Variants in FAM110B observed in about 807,000 individuals in gnomAD.
FAM110B encodes protein FAM110B.
Under a neutral mutation model 20.4 loss-of-function variants are expected in FAM110B, and 6 were observed. The observed-to-expected ratio is 0.29, with a 90% confidence interval of 0.16 to 0.58. The LOEUF (loss-of-function observed/expected upper bound fraction) is 0.58. Ranked by LOEUF, FAM110B falls within the 20% of genes least tolerant of loss-of-function variation. FAM110B has a pLI of 0.90. For missense variants in FAM110B, 434 were observed against 498.2 expected, an observed-to-expected ratio of 0.87 and a Z score of 1.23; for synonymous variants, 226 against 214.1, an observed-to-expected ratio of 1.06 and a Z score of -0.49.
At chr8:58,081,513 T>A (rs1216417701) in intron 3 of FAM110B, among the ~76,000 whole-genome samples, 1 of 152,160 alleles carries the variant, frequency 6.6e-6, no homozygotes, top group African/African-American at 2.4e-5. Context: ...GGCCAGAAAA[T>A]TCTTTTACAG....
chr8:58,087,560 G>A (rs908635625), intron 3 of FAM110B, among the ~76,000 whole-genome samples: 10 of 152,156 alleles, frequency 6.6e-5, no homozygotes, highest in South Asian at 2.1e-4. Flanking sequence ...TGCCTCATTC[G>A]CCATCACAAC....
chr8:58,143,567 C>T (rs971115995), intron 3 of FAM110B, among the ~76,000 whole-genome samples: 1 of 152,150 alleles, frequency 6.6e-6, no homozygotes, highest in Admixed American at 6.5e-5. Flanking sequence ...CTGGAGGAGC[C>T]GTCTTGAGGG....
At chr8:58,093,796 T>A (rs1053655974) in intron 3 of FAM110B, among the ~76,000 whole-genome samples, 1 of 152,208 alleles carries the variant, frequency 6.6e-6, no homozygotes, top group African/African-American at 2.4e-5. Context: ...AAATCAATGG[T>A]AGCTTGATGG....
chr8:58,045,688 C>A (rs1805306171), intron 2 of FAM110B, among the ~76,000 whole-genome samples: 2 of 152,092 alleles, frequency 1.3e-5, no homozygotes, highest in African/African-American at 2.4e-5. Flanking sequence ...TCTGTGAAAA[C>A]CACTGCACTA....
At chr8:58,105,232 C>T (rs1166006786) in intron 3 of FAM110B, among the ~76,000 whole-genome samples, 1 of 152,164 alleles carries the variant, frequency 6.6e-6, no homozygotes, top group East Asian at 1.9e-4. Flanking sequence ...GGTTTCATCA[C>T]AGCTCTACCA....
At chr8:58,003,744 ATAC>A (rs1367574603) in intron 1 of FAM110B, among the ~76,000 whole-genome samples, 1 of 152,236 alleles carries the variant, frequency 6.6e-6, no homozygotes, top group Non-Finnish European at 1.5e-5. Flanking sequence ...TCAGTAGATC[ATAC>A]TGTAAACAGA....
At chr8:58,055,507 A>T (rs1805528435) in intron 2 of FAM110B, among the ~76,000 whole-genome samples, 2 of 152,112 alleles carry the variant, frequency 1.3e-5, no homozygotes, top group African/African-American at 4.8e-5. Flanking sequence ...GTGGAGACAA[A>T]TTGTTTTGTG....
chr8:57,996,430 CTG>C (rs1804186342), intron 1 of FAM110B, among the ~76,000 whole-genome samples: 2 of 152,018 alleles, frequency 1.3e-5, no homozygotes, highest in Admixed American at 1.3e-4. Flanking sequence ...TATTTTAAGT[CTG>C]TGGTTTTAAT....
At chr8:58,068,906 T>C (rs1805833036) in intron 2 of FAM110B, among the ~76,000 whole-genome samples, 1 of 152,180 alleles carries the variant, frequency 6.6e-6, no homozygotes. Flanking sequence ...ATTAAAACTT[T>C]TCCCAATTTA....
chr8:58,063,822 T>A (rs1163981609), intron 2 of FAM110B, among the ~76,000 whole-genome samples: 1 of 152,214 alleles, frequency 6.6e-6, no homozygotes, highest in Non-Finnish European at 1.5e-5. Flanking sequence ...TATTGTCAAA[T>A]GGTAAGATTG....
intron 3 of FAM110B, among the ~76,000 whole-genome samples, chr8:58,126,534 G>A (rs576215802): frequency 6.6e-6 from 1 of 152,082 alleles, no homozygotes; most frequent in South Asian, 2.1e-4. Context: ...TAGTGATAGA[G>A]TTTCTCTGCA....
chr8:58,037,426 AG>A (rs1422854522), intron 2 of FAM110B, among the ~76,000 whole-genome samples: 2 of 151,822 alleles, frequency 1.3e-5, no homozygotes, highest in Non-Finnish European at 2.9e-5. Context: ...GCTTGAGGCC[AG>A]GAGTTTGAGA....
At chr8:58,000,246 G>C (rs894605710) in intron 1 of FAM110B, among the ~76,000 whole-genome samples, 46 of 152,278 alleles carry the variant, frequency 3.0e-4, no homozygotes, top group Middle Eastern at 3.4e-3. Context: ...GTTGGGGTTG[G>C]GGTGGAGTGT....
intron 3 of FAM110B, among the ~76,000 whole-genome samples, chr8:58,133,894 T>G (rs1214992154): frequency 6.6e-6 from 1 of 152,246 alleles, no homozygotes; most frequent in Non-Finnish European, 1.5e-5. Context: ...GATGAACTTA[T>G]TAGTCATTGC....
chr8:58,130,351 G>A (rs926221763), intron 3 of FAM110B, among the ~76,000 whole-genome samples: 1 of 152,176 alleles, frequency 6.6e-6, no homozygotes, highest in Non-Finnish European at 1.5e-5. Context: ...CCTGGTATCA[G>A]CCCCATGGCA....
At chr8:58,112,630 C>T (rs1035126387) in intron 3 of FAM110B, among the ~76,000 whole-genome samples, 5 of 152,326 alleles carry the variant, frequency 3.3e-5, no homozygotes, top group Middle Eastern at 6.8e-3. Context: ...GGGTTTGTCA[C>T]CCCACTTTGT....
intron 1 of FAM110B, among the ~76,000 whole-genome samples, chr8:58,021,941 T>C (rs1231686922): frequency 1.3e-5 from 2 of 152,174 alleles, no homozygotes; most frequent in Admixed American, 1.3e-4. Flanking sequence ...TTTACACACA[T>C]ACTCTATGGC....
intron 3 of FAM110B, among the ~76,000 whole-genome samples, chr8:58,139,930 AAAT>A (rs529471589): frequency 2.6e-5 from 4 of 151,930 alleles, no homozygotes; most frequent in Admixed American, 6.6e-5. Context: ...ACTCTGTTTT[AAAT>A]AATAATAATA....
chr8:58,091,373 A>G (rs1284837350), intron 3 of FAM110B: 1 of 152,154 alleles, frequency 6.6e-6, no homozygotes, highest in Non-Finnish European at 1.5e-5. Flanking sequence ...GCACAGGCAG[A>G]TTCTGGTCAT....
Sources: allele counts gnomAD v4.1 joint callset (sites outside exome capture counted in the v4.1 genomes callset), GRCh38; gene constraint gnomAD v4.1.1; transcripts MANE v1.5; gene names NCBI Gene and HGNC (gene_info 2026-07-23, HGNC 2026-07-21).